The following DEUP1 variants were observed in gnomAD, a reference collection of about 807,000 sequenced individuals.
DEUP1 encodes the protein coiled-coil domain containing 67.
In DEUP1, 82 loss-of-function variants were observed where a neutral mutation model predicts 87.4. The ratio of observed to expected loss-of-function variants is 0.94; its 90% CI spans 0.78 to 1.13. DEUP1 has a LOEUF of 1.13. Among genes scored for constraint, DEUP1 ranks in the 50% most tolerant of loss-of-function variants. The pLI is 0.00. For missense variants in DEUP1, 663 were observed against 681.5 expected (o/e 0.97, Z 0.30); for synonymous variants, 214 against 222.7 (o/e 0.96, Z 0.35).
At chr11:93,409,057 A>T (rs889820488) in intron 12 of DEUP1, among the ~76,000 whole-genome samples, 3 of 152,102 alleles carry the variant, frequency 2.0e-5, no homozygotes, top group Non-Finnish European at 4.4e-5. Context: ...AGGTTTCACT[A>T]TGTTGGCCAG....
intron 12 of DEUP1, among the ~76,000 whole-genome samples, chr11:93,413,510 G>C (rs549406566): frequency 2.6e-5 from 4 of 152,316 alleles, no homozygotes; most frequent in Admixed American, 6.5e-5. Flanking sequence ...TCAAAGTGCT[G>C]GGATTACAGG....
At chr11:93,404,969 T>G (rs911948691) in intron 11 of DEUP1, among the ~76,000 whole-genome samples, 16 of 152,086 alleles carry the variant, frequency 1.1e-4, no homozygotes, top group Non-Finnish European at 1.9e-4. Context: ...TAGTTCATGC[T>G]CACAACACTT....
In DEUP1 at chr11:93,437,878, G is replaced by C; in HGVS notation, c.*159G>C. 1.8e-6 allele frequency: 1 copy of C among 550,662 alleles called. No homozygotes were observed. Among genetic ancestry groups the C allele is most frequent in the Admixed American group, 3.2e-5 (1 of 31,166 alleles). The allele number at this position is 550,662 out of a possible 1,614,324, so 34.1% of individuals were successfully genotyped here. On this transcript the variant is annotated 3_prime_UTR_variant, in exon 14 of 14. Coordinates refer to ENST00000298050, the MANE Select transcript of DEUP1 (RefSeq NM_181645.4). ...GCAGCTAGAAAATAGTAAGTATTTT[G>C]TTCTATAAAGCTGTTCACATTTCTG...
intron 11 of DEUP1, among the ~76,000 whole-genome samples, chr11:93,405,031 T>A (rs902793523): frequency 6.6e-6 from 1 of 151,398 alleles, no homozygotes; most frequent in African/African-American, 2.4e-5. Flanking sequence ...ATCATTATTA[T>A]CATTCTTAAT....
chr11:93,434,896 A>G (rs1429525012), intron 13 of DEUP1, among the ~76,000 whole-genome samples: 1 of 152,158 alleles, frequency 6.6e-6, no homozygotes, highest in African/African-American at 2.4e-5. Context: ...CACAGGATAT[A>G]ATCTCCAAGC....
chr11:93,378,847 G>A (rs1466923870), intron 7 of DEUP1, among the ~76,000 whole-genome samples: 1 of 152,018 alleles, frequency 6.6e-6, no homozygotes, highest in Non-Finnish European at 1.5e-5. Flanking sequence ...AGTAGTTCTT[G>A]GAGCAAAAGT....
intron 4 of DEUP1, among the ~76,000 whole-genome samples, chr11:93,357,737 G>T (rs1333491311): frequency 6.6e-6 from 1 of 152,048 alleles, no homozygotes; most frequent in African/African-American, 2.4e-5. Context: ...ACTTTTTTTG[G>T]AGTACAAATA....
intron 2 of DEUP1, among the ~76,000 whole-genome samples, chr11:93,346,528 T>G (rs1298820324): frequency 6.6e-6 from 1 of 152,176 alleles, no homozygotes; most frequent in Non-Finnish European, 1.5e-5. Context: ...CACCTAGACT[T>G]TCATACGAAT....
At chr11:93,383,272 A>G (rs1248969381) in intron 7 of DEUP1, among the ~76,000 whole-genome samples, 2 of 152,248 alleles carry the variant, frequency 1.3e-5, no homozygotes, top group Non-Finnish European at 2.9e-5. Context: ...ATAGTGGAAC[A>G]TTATTCAGCC....
Position 93,415,001 on chromosome 11 carries a change from C to T in DEUP1, c.1525C>T (p.Leu509Phe). The T allele has an allele frequency of 6.5e-7, 1 of 1,527,454 alleles. No individual in the cohort carries two copies. Among genetic ancestry groups the T allele is most frequent in the South Asian group, 1.3e-5 (1 of 75,514 alleles). 94.6% of individuals were successfully genotyped at this position (1,527,454 alleles called of 1,614,324 possible). ...CAACAACCATTTCTTCTCTTTTAGACTTAGTCATGACTGTGAGCCAAACAG... is the reference window on the plus strand; with the variant it reads ...CAACAACCATTTCTTCTCTTTTAGATTTAGTCATGACTGTGAGCCAAACAG... ...QIKVEQNEER[L>F]SHDCEPNRST... Residue 509 changes from leucine (L) to phenylalanine (F), a missense_variant and splice_region_variant, in exon 13 of 14, where the codon CTT becomes TTT. Transcript: ENST00000298050.
intron 5 of DEUP1, among the ~76,000 whole-genome samples, chr11:93,368,662 C>T (rs1275312483): frequency 6.6e-6 from 1 of 152,192 alleles, no homozygotes; most frequent in Non-Finnish European, 1.5e-5. Context: ...CCAGGCTGGG[C>T]GCAGTGGCTC....
intron 13 of DEUP1, among the ~76,000 whole-genome samples, chr11:93,430,212 GTTAT>G (rs1373794560): frequency 6.6e-6 from 1 of 151,810 alleles, no homozygotes; most frequent in Non-Finnish European, 1.5e-5. Context: ...AAATATTAGT[GTTAT>G]TTATTCATAA....
chr11:93,437,119 C>A, intron 13 of DEUP1, among the ~76,000 whole-genome samples: 1 of 152,178 alleles, frequency 6.6e-6, no homozygotes, highest in East Asian at 1.9e-4. Context: ...ATTGATTCTC[C>A]CTGTCAAAGC....
At chr11:93,346,337 C>A (rs1944348150) in intron 2 of DEUP1, among the ~76,000 whole-genome samples, 1 of 152,170 alleles carries the variant, frequency 6.6e-6, no homozygotes, top group African/African-American at 2.4e-5. Flanking sequence ...GATCCTCCCA[C>A]CTCAGCCTCC....
At chr11:93,337,655 G>C (rs1017092540) in intron 2 of DEUP1, among the ~76,000 whole-genome samples, 2 of 152,160 alleles carry the variant, frequency 1.3e-5, no homozygotes, top group African/African-American at 4.8e-5. Context: ...TGTCAAACTT[G>C]ACGGTAGACT....
chr11:93,355,539 A>C lies in DEUP1; in HGVS notation c.198A>C (p.Gln66His), dbSNP rs764469678. The change falls in exon 3 of 14, where the codon CAA becomes CAC. Residue 66 changes from glutamine to histidine, a missense_variant. Gln to His is a conservative substitution (Grantham distance 24). Transcript: ENST00000298050. Reference protein sequence around the residue: ...NAQTCLDQKGQEVGLLRQKLD... With the variant: ...NAQTCLDQKGHEVGLLRQKLD... ...AAACTTGTTTGGATCAGAAAGGTCA[A>C]GAGGTACTGAATACATATGTTAACA... The C allele has an allele frequency of 6.2e-7, 1 of 1,613,186 alleles. No homozygotes were observed. Among genetic ancestry groups the C allele is most frequent in the South Asian group, 1.1e-5 (1 of 90,972 alleles).
At chr11:93,381,323 AGAAGTTTCT>A (rs1814274934) in intron 7 of DEUP1, among the ~76,000 whole-genome samples, 1 of 152,222 alleles carries the variant, frequency 6.6e-6, no homozygotes, top group Non-Finnish European at 1.5e-5. Context: ...GTATTTGGAA[AGAAGTTTCT>A]CTTCCCTTTT....
At position 93,369,799 on chromosome 11, in the gene DEUP1, C is replaced by T. The variant is rs1372903884; in HGVS notation, c.433-274C>T. Among the ~76,000 whole-genome samples the T allele has an allele frequency of 6.8e-5, 3 of 43,874 alleles. 1 individual carries two copies. Among genetic ancestry groups the T allele is most frequent in the Non-Finnish European group, 1.3e-4 (3 of 23,454 alleles). The allele number at this position is 43,874 out of a possible 152,430, so 28.8% of individuals were successfully genotyped here. Reference sequence around the variant, plus strand: ...ACAAAAAATTAGCCGGGCGAGGTGGCGGGCGCCTGTAGTCCCAGCTTCTCG... The same window carrying T: ...ACAAAAAATTAGCCGGGCGAGGTGGTGGGCGCCTGTAGTCCCAGCTTCTCG... On this transcript the variant is annotated intron_variant, in intron 5 of 13. Transcript: ENST00000298050.
At chr11:93,414,013 G>A (rs1565344454) in intron 12 of DEUP1, among the ~76,000 whole-genome samples, 1 of 152,018 alleles carries the variant, frequency 6.6e-6, no homozygotes, top group Non-Finnish European at 1.5e-5. Flanking sequence ...CATTTACTAT[G>A]TGCCAGGCAT....
Sources: allele counts gnomAD v4.1 joint callset (sites outside exome capture counted in the v4.1 genomes callset), GRCh38; gene constraint gnomAD v4.1.1; transcripts MANE v1.5; gene names NCBI Gene and HGNC (gene_info 2026-07-23, HGNC 2026-07-21).